Variants in CASP5 observed in about 807,000 individuals in gnomAD.
The protein encoded by CASP5 is caspase 5, also known as caspase-5.
In CASP5, 42 loss-of-function variants were observed where a neutral mutation model predicts 45.2. The ratio of observed to expected loss-of-function variants is 0.93; its 90% CI spans 0.73 to 1.20. The LOEUF (loss-of-function observed/expected upper bound fraction) is 1.20. Ranked by LOEUF, CASP5 falls within the 50% of genes most tolerant of loss-of-function variation. CASP5 has a pLI of 0.00. For synonymous variants in CASP5, 209 were observed against 186.2 expected (o/e 1.12, Z -1.00); for missense variants, 512 against 532.2 (o/e 0.96, Z 0.37).
chr11:105,019,178 C>T (rs1355448020), intron 1 of CASP5, among the ~76,000 whole-genome samples: 1 of 150,798 alleles, frequency 6.6e-6, no homozygotes, highest in Non-Finnish European at 1.5e-5. Context: ...AAATTTATAG[C>T]ACTAAATGCC....
intron 3 of CASP5, among the ~76,000 whole-genome samples, chr11:105,003,605 T>C (rs1042984116): frequency 3.3e-5 from 5 of 152,084 alleles, no homozygotes; most frequent in Non-Finnish European, 5.9e-5. Flanking sequence ...GATGCAACTA[T>C]AGATTCCGAT....
intron 1 of CASP5, among the ~76,000 whole-genome samples, chr11:105,017,192 C>A (rs569503923): frequency 0.058 from 8,846 of 152,108 alleles, 781 homozygotes; most frequent in African/African-American, 0.2. Flanking sequence ...GTAGAAAAAA[C>A]CACAAAGATG....
intron 1 of CASP5, among the ~76,000 whole-genome samples, chr11:105,014,866 G>A (rs1862511796): frequency 6.6e-6 from 1 of 152,180 alleles, no homozygotes; most frequent in Non-Finnish European, 1.5e-5. Flanking sequence ...AAAAAAGCAT[G>A]AGCACACTGT....
chr11:105,006,737 G>A (rs1413356274), intron 3 of CASP5, among the ~76,000 whole-genome samples: 1 of 152,158 alleles, frequency 6.6e-6, no homozygotes, highest in Admixed American at 6.6e-5. Flanking sequence ...CAGGTGGTAA[G>A]ACTGATGACT....
At chr11:105,019,161 T>A (rs939497075) in intron 1 of CASP5, among the ~76,000 whole-genome samples, 24 of 150,370 alleles carry the variant, frequency 1.6e-4, no homozygotes, top group Admixed American at 1.4e-3. Flanking sequence ...AAGCAGTGTG[T>A]AGAGGGAAAT....
chr11:105,009,842 C>CAT (rs1381944892), intron 1 of CASP5, among the ~76,000 whole-genome samples: 15 of 130,652 alleles, frequency 1.1e-4, no homozygotes, highest in African/African-American at 4.4e-4. Context: ...TATATATACA[C>CAT]ATATATATAC....
Position 104,998,995 on chromosome 11 carries a change from G to A in CASP5, c.986C>T (p.Pro329Leu). 6.2e-7 allele frequency: 1 copy of A among 1,612,996 alleles called. No homozygotes were observed. The highest frequency in any genetic ancestry group is 8.5e-7 in the Non-Finnish European group (1 of 1,179,512). Residue 329 changes from proline (P) to leucine (L), a missense_variant, in exon 7 of 10, where the codon CCA (proline) becomes CTA (leucine). Transcript: ENST00000260315. ...TGAAGAGATGAGTGCCAAGGATGCT[G>A]GAGAGTCTCTGACCCAGAGTTCCCC... ...KHGELWVRDS[P>L]ASLALISSQS...
intron 1 of CASP5, among the ~76,000 whole-genome samples, chr11:105,021,164 TG>T (rs1479716384): frequency 6.6e-6 from 1 of 150,488 alleles, no homozygotes; most frequent in East Asian, 1.9e-4. Flanking sequence ...TAATTCAAGA[TG>T]GATTAAAGAC....
In CASP5 at chr11:105,007,082, C is replaced by T. The variant is rs1443376006; in HGVS notation, c.433+1G>A. 5.6e-6 allele frequency: 9 copies of T among 1,608,692 alleles called. No homozygotes were observed. Among genetic ancestry groups the T allele is most frequent in the Middle Eastern group, 1.7e-4 (1 of 6,044 alleles). ...ATTTATCGTGTTAGATGCAACCTTA[C>T]GTTTTACACTGGTGATCTTTTGGTC... On this transcript the variant is annotated splice_donor_variant, in intron 3 of 9. Coordinates refer to ENST00000260315, the MANE Select transcript of CASP5 (RefSeq NM_004347.5). LOFTEE classifies it high-confidence loss of function.
At chr11:105,021,903 A>T (rs1591183196) in intron 1 of CASP5, among the ~76,000 whole-genome samples, 1 of 149,504 alleles carries the variant, frequency 6.7e-6, no homozygotes, top group Non-Finnish European at 1.5e-5. Context: ...AAGACTTGGA[A>T]CCAACCCAAA....
In CASP5 at chr11:105,009,796, T is replaced by C. The variant is rs1163006362; in HGVS notation, c.8-816A>G. Reference sequence around the variant, plus strand: ...GTATATATATATATATACACACGTATATATATATATACACACACATATATA... The same window carrying C: ...GTATATATATATATATACACACGTACATATATATATACACACACATATATA... On this transcript the variant is annotated intron_variant, in intron 1 of 9. Coordinates refer to ENST00000260315, the MANE Select transcript of CASP5 (RefSeq NM_004347.5). Among the ~76,000 whole-genome samples the C allele has an allele frequency of 3.8e-3, 367 of 97,510 alleles. 11 individuals carry two copies. The highest frequency in any genetic ancestry group is 0.017 in the African/African-American group (345 of 20,304). The allele number at this position is 97,510 out of a possible 152,430, so 64.0% of individuals were successfully genotyped here. A position where few individuals can be genotyped will look rare whatever the true frequency, so the allele number is the denominator to read the frequency against.
chr11:105,005,003 T>C (rs1242008867), intron 3 of CASP5, among the ~76,000 whole-genome samples: 2 of 152,144 alleles, frequency 1.3e-5, no homozygotes, highest in Non-Finnish European at 2.9e-5. Context: ...TAGACAGAAA[T>C]TCTATCTTAT....
At position 105,018,423 on chromosome 11, in the gene CASP5, A is replaced by G. The variant is rs1483120940; in HGVS notation, c.7+4707T>C. 1.2e-4 allele frequency among the ~76,000 whole-genome samples: 18 copies of G among 152,324 alleles called. 1 individual carries two copies. Among genetic ancestry groups the G allele is most frequent in the African/African-American group, 3.4e-4 (14 of 41,568 alleles). ...TTCAGGAAACCCATCTCACATGCAGAGACACACATAGGCTCAAAATAAAAG... is the reference window on the plus strand; with the variant it reads ...TTCAGGAAACCCATCTCACATGCAGGGACACACATAGGCTCAAAATAAAAG... On this transcript the variant is annotated intron_variant, in intron 1 of 9. Coordinates refer to ENST00000260315, the MANE Select transcript of CASP5 (RefSeq NM_004347.5).
At position 104,997,471 on chromosome 11, in the gene CASP5, C is replaced by A; in HGVS notation, c.1118G>T (p.Arg373Leu). ...STPHNVSWRD[R>L]TRGSIFITEL... is the part of the protein sequence containing the mutation. ...CGTAATGAAGATGGAGCCCCTTGTG[C>A]GGTCTCTCCAGGACACGTTATCTAT... The change falls in exon 8 of 10, where the codon CGC (arginine) becomes CTC (leucine). Residue 373 changes from arginine to leucine, a missense_variant. Coordinates refer to ENST00000260315, the MANE Select transcript of CASP5 (RefSeq NM_004347.5). 6.2e-7 allele frequency: 1 copy of A among 1,611,554 alleles called. No homozygotes were observed. The highest frequency in any genetic ancestry group is 8.5e-7 in the Non-Finnish European group (1 of 1,177,902).
chr11:105,007,384 T>C (rs755822970), intron 2 of CASP5, 50 bp from the exon 3 acceptor site: 1 of 1,535,958 alleles, frequency 6.5e-7, no homozygotes, highest in South Asian at 1.2e-5. Context: ...CTTAAAGAGT[T>C]CTGCCTTCAC....
Position 105,002,095 on chromosome 11 carries a change from A to G in CASP5, c.650T>C (p.Val217Ala), listed in dbSNP as rs999381441. The change falls in exon 5 of 10, where the codon GTG becomes GCG. Residue 217 changes from valine to alanine, a missense_variant. Transcript: ENST00000260315. The part of the protein sequence containing the change: ...PARNGAHYDI[V>A]GMKRLLQGLG... ...GCCTTGAAGCAGCCTTTTCATCCCC[A>G]CGATGTCATAGTGAGCCCCATTCCT... is the stretch of plus-strand genomic sequence containing the variant. The G allele has an allele frequency of 2.5e-6, 4 of 1,614,010 alleles. No individual in the cohort carries two copies. In the African/African-American group the frequency reaches 4.0e-5, roughly 16 times the overall value.
chr11:105,020,405 A>G (rs1862886959), intron 1 of CASP5, among the ~76,000 whole-genome samples: 1 of 150,470 alleles, frequency 6.6e-6, no homozygotes, highest in African/African-American at 2.5e-5. Flanking sequence ...TATCTAGAAA[A>G]CCCCATTGTC....
intron 1 of CASP5, among the ~76,000 whole-genome samples, chr11:105,022,867 C>T (rs943905379): frequency 2.0e-5 from 3 of 152,034 alleles, no homozygotes; most frequent in Non-Finnish European, 4.4e-5. Context: ...TCTGTCTTTC[C>T]TTACTCTCTC....
At chr11:105,021,500 G>A (rs1242225146) in intron 1 of CASP5, among the ~76,000 whole-genome samples, 1 of 150,552 alleles carries the variant, frequency 6.6e-6, no homozygotes, top group Non-Finnish European at 1.5e-5. Flanking sequence ...GTGGGCGAAG[G>A]ACATGAACAG....
Sources: gnomAD v4.1 joint callset for allele counts (sites outside exome capture counted in the v4.1 genomes callset) on GRCh38, gnomAD v4.1.1 for gene constraint, MANE v1.5 for transcripts, NCBI Gene and HGNC (gene_info 2026-07-23, HGNC 2026-07-21) for gene names.